CHD9: variants seen among roughly 807,000 people sequenced by gnomAD.
CHD9 encodes the protein chromodomain helicase DNA binding protein 9.
CHD9 carries 77 observed loss-of-function variants against 316.1 expected under a neutral mutation model. The observed-to-expected ratio is 0.24, with a 90% confidence interval of 0.20 to 0.29. The LOEUF is 0.29. Among genes scored for constraint, CHD9 ranks in the 10% least tolerant of loss-of-function variants. The pLI, the probability that CHD9 is intolerant of heterozygous loss-of-function variation, is 1.00. For synonymous variants in CHD9, 1,129 were observed against 1,158.3 expected (o/e 0.97, Z 0.51); for missense variants, 2,763 against 3,438.1 (o/e 0.80, Z 4.91).
intron 20 of CHD9, among the ~76,000 whole-genome samples, chr16:53,266,633 G>A (rs902782041): frequency 6.6e-6 from 1 of 152,102 alleles, no homozygotes; most frequent in African/African-American, 2.4e-5. Flanking sequence ...CTAAAACTTT[G>A]GATTCCTTAT....
chr16:53,285,353 G>T (rs1268626718), intron 24 of CHD9, among the ~76,000 whole-genome samples: 3 of 152,128 alleles, frequency 2.0e-5, no homozygotes, highest in Non-Finnish European at 4.4e-5. Context: ...TAAGAAAATT[G>T]TTTAGTAACA....
In CHD9 at chr16:53,189,762, G is replaced by T. The variant is rs572752104; in HGVS notation, c.1453-19720G>T. ...TTTTATAGCCTTTTATCAGACTTTAGTGCATTTGTAGACTGTGCAATTTTT... is the reference window on the plus strand; with the variant it reads ...TTTTATAGCCTTTTATCAGACTTTATTGCATTTGTAGACTGTGCAATTTTT... On this transcript the variant is annotated intron_variant, in intron 2 of 38. Coordinates refer to ENST00000447540, the MANE Select transcript of CHD9 (RefSeq NM_001308319.2). Among the ~76,000 whole-genome samples the T allele has an allele frequency of 2.0e-5, 3 of 152,138 alleles. No individual in the cohort carries two copies. The South Asian group carries it at 6.2e-4, about 32-fold the overall frequency.
chr16:53,256,797 T>C lies in CHD9; in HGVS notation c.4209+1018T>C, dbSNP rs149732187. Among the ~76,000 whole-genome samples the C allele has an allele frequency of 2.9e-3, 437 of 152,258 alleles. 2 individuals carry two copies. The highest frequency in any genetic ancestry group is 0.01 in the African/African-American group (418 of 41,552). Reference sequence around the variant, plus strand: ...TTTCCACTGAACTTCCTTTCTACATTTCCCTTCTTCCCCATTCCCCTCTCT... The same window carrying C: ...TTTCCACTGAACTTCCTTTCTACATCTCCCTTCTTCCCCATTCCCCTCTCT... On this transcript the variant is annotated intron_variant, in intron 19 of 38. Coordinates refer to ENST00000447540, the MANE Select transcript of CHD9 (RefSeq NM_001308319.2).
At chr16:53,212,256 T>C (rs1214778635) in intron 3 of CHD9, among the ~76,000 whole-genome samples, 1 of 151,774 alleles carries the variant, frequency 6.6e-6, no homozygotes, top group Non-Finnish European at 1.5e-5. Flanking sequence ...AAAAACAAAA[T>C]TAGCCAGGCG....
intron 27 of CHD9, 47 bp from the exon 28 acceptor site, chr16:53,291,678 C>T: frequency 2.3e-6 from 3 of 1,287,046 alleles, no homozygotes; most frequent in Non-Finnish European, 3.2e-6. Context: ...TTTTATATAT[C>T]TCTTGACCCA....
At chr16:53,315,171 C>A in intron 36 of CHD9, 127 bp downstream of exon 36, 1 of 662,330 alleles carries the variant, frequency 1.5e-6, no homozygotes, top group African/African-American at 1.8e-5. Flanking sequence ...GGAGAATTAG[C>A]AGAAAAAATA....
chr16:53,260,086 A>T (rs1453629567), intron 19 of CHD9, among the ~76,000 whole-genome samples: 2 of 152,242 alleles, frequency 1.3e-5, no homozygotes, highest in East Asian at 3.8e-4. Context: ...ATACTCATTT[A>T]TACCAGTTTG....
At chr16:53,142,628 C>T (rs1372230921) in intron 1 of CHD9, among the ~76,000 whole-genome samples, 1 of 152,208 alleles carries the variant, frequency 6.6e-6, no homozygotes, top group Non-Finnish European at 1.5e-5. Context: ...GTTTTAAGAA[C>T]CACTCAAGGT....
At chr16:53,314,678 G>T in intron 35 of CHD9, 145 bp from the exon 36 acceptor site, 1 of 977,940 alleles carries the variant, frequency 1.0e-6, no homozygotes, top group South Asian at 1.8e-5. Context: ...CACTGTCCAA[G>T]AGTGATAAAA....
At chr16:53,056,308 G>C (rs2032108100) in intron 1 of CHD9, among the ~76,000 whole-genome samples, 1 of 152,162 alleles carries the variant, frequency 6.6e-6, no homozygotes, top group African/African-American at 2.4e-5. Flanking sequence ...TTCAGTTTTT[G>C]TATCTGCAAA....
intron 24 of CHD9, among the ~76,000 whole-genome samples, chr16:53,277,345 G>A (rs2052945913): frequency 6.6e-6 from 1 of 152,134 alleles, no homozygotes; most frequent in Non-Finnish European, 1.5e-5. Context: ...GAACATACAT[G>A]CAAAAATCCT....
rs571812926 is a variant in CHD9 at position 53,177,146 on chromosome 16, G to A, written c.1452+19605G>A. On this transcript the variant is annotated intron_variant, in intron 2 of 38. Coordinates refer to ENST00000447540, the MANE Select transcript of CHD9 (RefSeq NM_001308319.2). ...AATTTTTGTGTTTTTCATAGAGATA[G>A]GATTTCACCATGTTGTCTAGGCTGG... is the stretch of plus-strand genomic sequence containing the variant. Among the ~76,000 whole-genome samples, 38 of 152,202 alleles carry A rather than the reference G, an allele frequency of 2.5e-4. 2 individuals carry two copies. Among genetic ancestry groups the A allele is most frequent in the African/African-American group, 9.1e-4 (38 of 41,532 alleles).
chr16:53,237,691 T>C (rs1466412160), intron 11 of CHD9, among the ~76,000 whole-genome samples: 1 of 152,192 alleles, frequency 6.6e-6, no homozygotes, highest in Non-Finnish European at 1.5e-5. Context: ...GGCTTACTCT[T>C]TTGAGCCTCC....
rs148755316 is a variant in CHD9, at chr16:53,065,672, C to T, written c.-165+10595C>T. Among the ~76,000 whole-genome samples the T allele has an allele frequency of 2.7e-3, 392 of 145,708 alleles. 1 individual carries two copies. The highest frequency in any genetic ancestry group is 9.5e-3 in the African/African-American group (376 of 39,382). On this transcript the variant is annotated intron_variant, in intron 1 of 38. Coordinates refer to ENST00000447540, the MANE Select transcript of CHD9 (RefSeq NM_001308319.2). Reference sequence around the variant, plus strand: ...AAAAAAAAAAAAGGAAGAGAGTATTCCTGGAAGCTCTGGCCAGACCTCTGA... The same window carrying T: ...AAAAAAAAAAAAGGAAGAGAGTATTTCTGGAAGCTCTGGCCAGACCTCTGA...
At chr16:53,255,136 C>T (rs906888886) in intron 18 of CHD9, among the ~76,000 whole-genome samples, 2 of 151,952 alleles carry the variant, frequency 1.3e-5, no homozygotes, top group East Asian at 1.9e-4. Flanking sequence ...CATGGCAAGA[C>T]CCTGTCTCTA....
chr16:53,202,409 T>C (rs899374292), intron 2 of CHD9, among the ~76,000 whole-genome samples: 1 of 151,930 alleles, frequency 6.6e-6, no homozygotes, highest in African/African-American at 2.4e-5. Context: ...TTTTTTTTTT[T>C]CTGTTTTGTC....
At chr16:53,083,216 A>G (rs1450704751) in intron 1 of CHD9, among the ~76,000 whole-genome samples, 2 of 152,214 alleles carry the variant, frequency 1.3e-5, no homozygotes, top group Non-Finnish European at 2.9e-5. Flanking sequence ...AAGGATGCAA[A>G]GCTTTGGTGC....
At chr16:53,184,176 C>G (rs546584887) in intron 2 of CHD9, among the ~76,000 whole-genome samples, 1 of 152,166 alleles carries the variant, frequency 6.6e-6, no homozygotes, top group African/African-American at 2.4e-5. Flanking sequence ...GATCTCCTGA[C>G]CTCGTGATCC....
chr16:53,105,142 C>T (rs1185822685), intron 1 of CHD9, among the ~76,000 whole-genome samples: 2 of 152,106 alleles, frequency 1.3e-5, no homozygotes, highest in African/African-American at 2.4e-5. Context: ...CACGCGCAGC[C>T]TCTTTAAAAT....
Sources: allele counts gnomAD v4.1 joint callset (sites outside exome capture counted in the v4.1 genomes callset), GRCh38; gene constraint gnomAD v4.1.1; transcripts MANE v1.5; gene names NCBI Gene and HGNC (gene_info 2026-07-23, HGNC 2026-07-21).